RGS7: variants seen among roughly 807,000 people sequenced by gnomAD.
RGS7 encodes regulator of G protein signaling 7, also known as regulator of G-protein signaling 7.
A neutral mutation model predicts 81.1 loss-of-function variants in RGS7; 27 were observed. The ratio of observed to expected loss-of-function variants is 0.33; its 90% CI spans 0.25 to 0.46. The LOEUF is 0.46. RGS7 is among the 20% of genes least tolerant of loss of function. The probability of loss-of-function intolerance (pLI) is 1.00; values close to 1 mark genes in which losing one functional copy is unlikely to be tolerated. For missense variants in RGS7, 396 were observed against 607.4 expected (o/e 0.65, Z 3.66); for synonymous variants, 208 against 207.7 (o/e 1.00, Z -0.01).
At chr1:240,791,091 A>G (rs1685915171) in intron 18 of RGS7, among the ~76,000 whole-genome samples, 1 of 152,210 alleles carries the variant, frequency 6.6e-6, no homozygotes, top group African/African-American at 2.4e-5. Flanking sequence ...CATGACTCAA[A>G]GAGGCAAAAA....
intron 2 of RGS7, among the ~76,000 whole-genome samples, chr1:241,244,437 A>AT (rs1236438984): frequency 2.0e-5 from 3 of 152,204 alleles, no homozygotes; most frequent in Admixed American, 6.5e-5. Flanking sequence ...AATGGCGATC[A>AT]TTAAAAAGTC....
chr1:241,041,408 C>T (rs536027874), intron 3 of RGS7, among the ~76,000 whole-genome samples: 2 of 152,174 alleles, frequency 1.3e-5, no homozygotes, highest in East Asian at 3.9e-4. Flanking sequence ...AAAAAATACT[C>T]GCAAAAGCTT....
intron 4 of RGS7, among the ~76,000 whole-genome samples, chr1:240,944,004 A>G (rs1427393934): frequency 1.3e-5 from 2 of 152,100 alleles, no homozygotes; most frequent in African/African-American, 2.4e-5. Context: ...AGCAACAGAT[A>G]ATCATAAGTC....
intron 6 of RGS7, among the ~76,000 whole-genome samples, chr1:240,911,449 C>T (rs905600952): frequency 1.3e-5 from 2 of 152,156 alleles, no homozygotes; most frequent in Admixed American, 6.5e-5. Flanking sequence ...AACTTGGGCC[C>T]TCTTTTTGTC....
At chr1:241,190,988 ATT>A (rs113176654) in intron 2 of RGS7, among the ~76,000 whole-genome samples, 1 of 143,938 alleles carries the variant, frequency 6.9e-6, no homozygotes. Context: ...CGCTATTGCC[ATT>A]TTTTTTTTTT....
chr1:241,272,386 C>T (rs1202755712), intron 2 of RGS7, among the ~76,000 whole-genome samples: 1 of 152,174 alleles, frequency 6.6e-6, no homozygotes, highest in Non-Finnish European at 1.5e-5. Flanking sequence ...GCTTCCCCCT[C>T]CCCAGCTTCC....
intron 4 of RGS7, among the ~76,000 whole-genome samples, chr1:240,971,076 A>C (rs1683134930): frequency 6.6e-6 from 1 of 152,190 alleles, no homozygotes; most frequent in Non-Finnish European, 1.5e-5. Context: ...ATCACCCCCA[A>C]ATTCATACGG....
At chr1:240,984,564 T>A (rs573527562) in intron 3 of RGS7, among the ~76,000 whole-genome samples, 1 of 152,350 alleles carries the variant, frequency 6.6e-6, no homozygotes, top group South Asian at 2.1e-4. Context: ...TTCATTTGTA[T>A]TTAAAATTGG....
chr1:240,889,099 G>A (rs1175994353), intron 6 of RGS7, among the ~76,000 whole-genome samples: 4 of 152,092 alleles, frequency 2.6e-5, no homozygotes, highest in Non-Finnish European at 5.9e-5. Flanking sequence ...TGGGACTACA[G>A]GCGCCCGCCA....
At chr1:240,786,466 C>T (rs1285146531) in intron 18 of RGS7, among the ~76,000 whole-genome samples, 4 of 152,196 alleles carry the variant, frequency 2.6e-5, no homozygotes, top group African/African-American at 9.6e-5. Flanking sequence ...ATGCAACCAA[C>T]ATTTAGAAAA....
intron 6 of RGS7, among the ~76,000 whole-genome samples, chr1:240,910,522 G>GTCTGT (rs1671573611): frequency 1.3e-5 from 2 of 152,242 alleles, no homozygotes; most frequent in Admixed American, 6.5e-5. Flanking sequence ...CTAGTGTTCT[G>GTCTGT]TAGCACTGTA....
chr1:240,796,801 T>C (rs1240663250), intron 18 of RGS7, among the ~76,000 whole-genome samples: 2 of 152,182 alleles, frequency 1.3e-5, no homozygotes. Flanking sequence ...GGTCATTCCT[T>C]GCAGTCCCCA....
intron 2 of RGS7, among the ~76,000 whole-genome samples, chr1:241,270,501 AG>A (rs552499731): frequency 5.3e-4 from 81 of 152,310 alleles, no homozygotes; most frequent in African/African-American, 1.9e-3. Flanking sequence ...TTTTTTAACA[AG>A]ACAAAATTTA....
intron 2 of RGS7, among the ~76,000 whole-genome samples, chr1:241,309,764 A>ATTTGCTTC (rs1398906243): frequency 2.6e-5 from 4 of 152,232 alleles, no homozygotes; most frequent in Non-Finnish European, 5.9e-5. Context: ...AGATTGTGAC[A>ATTTGCTTC]TTTGCTTCTC....
At chr1:240,779,560 G>C (rs760085618) in intron 18 of RGS7, among the ~76,000 whole-genome samples, 1 of 152,094 alleles carries the variant, frequency 6.6e-6, no homozygotes, top group East Asian at 1.9e-4. Context: ...GGCCCTCATC[G>C]GACACTGAAT....
intron 2 of RGS7, among the ~76,000 whole-genome samples, chr1:241,147,238 G>A (rs1375908746): frequency 6.6e-6 from 1 of 152,098 alleles, no homozygotes; most frequent in Non-Finnish European, 1.5e-5. Context: ...TAAAAATCAG[G>A]AGAGGCAATG....
intron 3 of RGS7, among the ~76,000 whole-genome samples, chr1:240,999,539 A>G (rs1240202264): frequency 1.3e-5 from 2 of 152,132 alleles, no homozygotes; most frequent in Non-Finnish European, 2.9e-5. Flanking sequence ...CTTGACCACT[A>G]TTGATATATA....
Position 241,147,785 on chromosome 1 carries a change from T to C in RGS7, c.79-49023A>G, listed in dbSNP as rs1024061425. ...TATCCCATCTAGATTAAGTTTTATA[T>C]ATATATATATATATATATATATATA... On this transcript the variant is annotated intron_variant, in intron 2 of 18. Transcript: ENST00000440928. Among the ~76,000 whole-genome samples the C allele has an allele frequency of 3.2e-3, 326 of 103,022 alleles. 4 individuals carry two copies. Among genetic ancestry groups the C allele is most frequent in the South Asian group, 7.3e-3 (23 of 3,168 alleles). The allele number at this position is 103,022 out of a possible 152,430, so 67.6% of individuals were successfully genotyped here.
rs191060339 is a variant in RGS7, at chr1:241,058,101, A to C, written c.175+40565T>G. Among the ~76,000 whole-genome samples the C allele has an allele frequency of 2.0e-3, 310 of 152,268 alleles. 2 individuals carry two copies. The Middle Eastern group carries it at 0.02, about 10-fold the overall frequency. ...AGGCAGGTTCCATATAGATAGAAAA[A>C]GCACCTGAAACTGGTTATCATCAGT... On this transcript the variant is annotated intron_variant, in intron 3 of 18. Coordinates refer to ENST00000440928, the MANE Select transcript of RGS7 (RefSeq NM_001364886.1).
Sources: allele counts gnomAD v4.1 joint callset (sites outside exome capture counted in the v4.1 genomes callset), GRCh38; gene constraint gnomAD v4.1.1; transcripts MANE v1.5; gene names NCBI Gene and HGNC (gene_info 2026-07-23, HGNC 2026-07-21).